GPR137B: variants seen among roughly 807,000 people sequenced by gnomAD.
GPR137B encodes integral membrane protein GPR137B.
In GPR137B, 42 loss-of-function variants were observed where a neutral mutation model predicts 42.5. The observed-to-expected ratio is 0.99, with a 90% confidence interval of 0.77 to 1.28. GPR137B has a LOEUF of 1.28. Among genes scored for constraint, GPR137B ranks in the 50% most tolerant of loss-of-function variants. The pLI, the probability that GPR137B is intolerant of heterozygous loss-of-function variation, is 0.00. For missense variants in GPR137B, 487 were observed against 493.9 expected, an observed-to-expected ratio of 0.99 and a Z score of 0.13; for synonymous variants, 218 against 209.7, an observed-to-expected ratio of 1.04 and a Z score of -0.34.
intron 5 of GPR137B, among the ~76,000 whole-genome samples, chr1:236,195,215 C>A (rs955372359): frequency 1.3e-5 from 2 of 149,018 alleles, no homozygotes; most frequent in East Asian, 4.0e-4. Context: ...TATTCATTCA[C>A]TAAAATTCTT....
Position 236,157,573 on chromosome 1 carries a change from C to T in GPR137B, c.415-11133C>T, listed in dbSNP as rs111663432. ...TGTGTCCCTCTGTCAGAGAGGGCTA[C>T]CGGTTGTGGCCTGTTATATAGGAGT... On this transcript the variant is annotated intron_variant, in intron 1 of 6. Transcript: ENST00000366592. Among the ~76,000 whole-genome samples, 1,018 of 152,250 alleles carry T rather than the reference C, an allele frequency of 6.7e-3. 11 individuals are homozygous for T. The highest frequency in any genetic ancestry group is 0.011 in the Non-Finnish European group (728 of 68,016).
chr1:236,178,321 TG>T (rs1662749135), intron 2 of GPR137B, 92 bp from the exon 3 acceptor site: 1 of 740,492 alleles, frequency 1.4e-6, no homozygotes, highest in African/African-American at 1.7e-5. Context: ...ACCTTTGGTG[TG>T]TCTGCTTCTA....
chr1:236,199,118 A>AT (rs982066438), intron 5 of GPR137B, among the ~76,000 whole-genome samples: 8 of 151,884 alleles, frequency 5.3e-5, no homozygotes, highest in Non-Finnish European at 1.0e-4. Flanking sequence ...CAGATGCTGG[A>AT]TTTTTTCAAA....
Position 236,142,780 on chromosome 1 carries a change from A to ACG in GPR137B, c.162_163dup (p.Leu55ArgfsTer78), listed in dbSNP as rs1300220115. The stretch of plus-strand genomic sequence containing the variant: ...CTCACCGTCGTCTACACCGTGTTCT[A>ACG]CGCGCTGCTCTTCGTGTTCATCTAC... On this transcript the variant is annotated frameshift_variant, in exon 1 of 7. Coordinates refer to ENST00000366592, the MANE Select transcript of GPR137B (RefSeq NM_003272.4). LOFTEE classifies it high-confidence loss of function. 5.6e-6 allele frequency: 9 copies of ACG among 1,613,732 alleles called. No homozygotes were observed. The highest frequency in any genetic ancestry group is 1.3e-5 in the African/African-American group (1 of 74,938).
At chr1:236,175,813 C>G (rs1285899057) in intron 2 of GPR137B, among the ~76,000 whole-genome samples, 1 of 152,158 alleles carries the variant, frequency 6.6e-6, no homozygotes, top group Non-Finnish European at 1.5e-5. Context: ...ACACCTCCAG[C>G]CCTAGACAGG....
intron 6 of GPR137B, among the ~76,000 whole-genome samples, chr1:236,205,866 G>A (rs192952766): frequency 3.9e-5 from 6 of 152,256 alleles, no homozygotes; most frequent in African/African-American, 1.2e-4. Flanking sequence ...AGAAAATGCC[G>A]AGCGAGCCTG....
chr1:236,177,151 A>G (rs1197926295), intron 2 of GPR137B, among the ~76,000 whole-genome samples: 2 of 152,146 alleles, frequency 1.3e-5, no homozygotes, highest in Non-Finnish European at 2.9e-5. Flanking sequence ...TAAATTATTA[A>G]TTACAAGACA....
intron 2 of GPR137B, 109 bp from the exon 3 acceptor site, chr1:236,178,305 A>C: frequency 1.4e-6 from 1 of 690,412 alleles, no homozygotes; most frequent in East Asian, 2.5e-5. Flanking sequence ...CAAGCTCTTA[A>C]ATGTCACCTT....
chr1:236,157,891 C>T (rs375291843), intron 1 of GPR137B, among the ~76,000 whole-genome samples: 21 of 152,180 alleles, frequency 1.4e-4, no homozygotes, highest in African/African-American at 5.1e-4. Flanking sequence ...ACCTTCCAAA[C>T]ACATAGTCAT....
chr1:236,147,738 C>T (rs1216351164), intron 1 of GPR137B, among the ~76,000 whole-genome samples: 1 of 152,198 alleles, frequency 6.6e-6, no homozygotes, highest in Admixed American at 6.5e-5. Flanking sequence ...TCTGCCCGGG[C>T]CCCCTTCCTG....
chr1:236,206,366 C>T (rs1399255965), intron 6 of GPR137B, among the ~76,000 whole-genome samples: 1 of 152,146 alleles, frequency 6.6e-6, no homozygotes, highest in Non-Finnish European at 1.5e-5. Context: ...TCTGAATCAC[C>T]ATACTATGTA....
rs368072416 is a variant in GPR137B, at chr1:236,156,857, G to A, written c.415-11849G>A. ...GACCAGGAGAGCAAATATCGAATGC[G>A]TCAGTGGTTCTTAACCTTTTTCAGT... On this transcript the variant is annotated intron_variant, in intron 1 of 6. Transcript: ENST00000366592. The surrounding 1 kb of genome is among the most constrained non-coding windows in gnomAD (Gnocchi z 4.8). Among the ~76,000 whole-genome samples, 4 of 152,194 alleles carry A rather than the reference G, an allele frequency of 2.6e-5. No individual in the cohort carries two copies. Among genetic ancestry groups the A allele is most frequent in the African/African-American group, 4.8e-5 (2 of 41,444 alleles).
At position 236,145,288 on chromosome 1, in the gene GPR137B, T is replaced by C. The variant is rs573880676; in HGVS notation, c.414+2252T>C. On this transcript the variant is annotated intron_variant, in intron 1 of 6. Transcript: ENST00000366592. ...CCCCCTCTTTCTCTTACACAAACCATTGGAATTACCTAAAGTGGGGAGCTT... is the reference window on the plus strand; with the variant it reads ...CCCCCTCTTTCTCTTACACAAACCACTGGAATTACCTAAAGTGGGGAGCTT... 6.6e-5 allele frequency among the ~76,000 whole-genome samples: 10 copies of C among 152,306 alleles called. No homozygotes were observed. The South Asian group carries it at 1.7e-3, about 25-fold the overall frequency.
At chr1:236,177,098 G>A (rs1662710533) in intron 2 of GPR137B, among the ~76,000 whole-genome samples, 1 of 152,128 alleles carries the variant, frequency 6.6e-6, no homozygotes, top group Non-Finnish European at 1.5e-5. Context: ...TTCTTTGGTA[G>A]AACTGGGTTC....
chr1:236,179,894 C>T lies in GPR137B; in HGVS notation c.703C>T (p.Gln235Ter). The change falls in exon 4 of 7, where the codon CAA becomes TAA. Residue 235 changes from glutamine to a stop codon, truncating the protein, a stop_gained. Transcript: ENST00000366592. LOFTEE classifies it high-confidence loss of function. ...TCTTTTCCAGGGCTCCTCCGTGTGT[C>T]AAGTGACTGCCATCGGTGTCACCGT... ...YLESKGSSVCQVTAIGVTVIL... is the reference protein window; with the variant it reads ...YLESKGSSVC 1 of 1,590,292 alleles carries T rather than the reference C, an allele frequency of 6.3e-7. No homozygotes were observed. Among genetic ancestry groups the T allele is most frequent in the Non-Finnish European group, 8.6e-7 (1 of 1,168,414 alleles).
chr1:236,178,975 T>TG (rs1553364257), intron 3 of GPR137B, among the ~76,000 whole-genome samples: 1 of 149,190 alleles, frequency 6.7e-6, no homozygotes, highest in African/African-American at 2.5e-5. Flanking sequence ...TTTTTTGTAT[T>TG]TTTAGTAGAG....
chr1:236,208,626 G>A lies in GPR137B; in HGVS notation c.*468G>A, dbSNP rs1293620894. On this transcript the variant is annotated 3_prime_UTR_variant, in exon 7 of 7. Coordinates refer to ENST00000366592, the MANE Select transcript of GPR137B (RefSeq NM_003272.4). ...GGTCACTGATGGTCACTCCGATTCTGAGTGCCACATTGGTAGACTCCTAAA... is the reference window on the plus strand; with the variant it reads ...GGTCACTGATGGTCACTCCGATTCTAAGTGCCACATTGGTAGACTCCTAAA... 2.0e-6 allele frequency: 2 copies of A among 985,752 alleles called. No homozygotes were observed. The highest frequency in any genetic ancestry group is 4.7e-5 in the South Asian group (1 of 21,314). 61.1% of individuals were successfully genotyped at this position (985,752 alleles called of 1,614,324 possible).
chr1:236,205,663 C>T (rs1483183232), intron 6 of GPR137B, among the ~76,000 whole-genome samples: 1 of 152,140 alleles, frequency 6.6e-6, no homozygotes, highest in East Asian at 1.9e-4. Flanking sequence ...GCCTCAGGCT[C>T]CTGAGTAGCT....
chr1:236,143,098 G>A, intron 1 of GPR137B, 62 bp downstream of exon 1: 1 of 1,458,444 alleles, frequency 6.9e-7, no homozygotes, highest in Non-Finnish European at 9.3e-7. Context: ...CGGGGCGCCC[G>A]AGGCAGGGGC....
Sources: gnomAD v4.1 joint callset for allele counts (sites outside exome capture counted in the v4.1 genomes callset) on GRCh38, gnomAD v4.1.1 for gene constraint, Gnocchi (gnomAD v3.1) non-coding constraint, MANE v1.5 for transcripts, NCBI Gene and HGNC (gene_info 2026-07-23, HGNC 2026-07-21) for gene names.